CACNA2D2: variants seen among roughly 807,000 people sequenced by gnomAD.
CACNA2D2 encodes the protein calcium voltage-gated channel auxiliary subunit alpha2delta 2.
In CACNA2D2, 48 loss-of-function variants were observed where a neutral mutation model predicts 166.4. The ratio of observed to expected loss-of-function variants is 0.29; its 90% CI spans 0.23 to 0.37. The LOEUF is 0.37. CACNA2D2 is among the 10% of genes least tolerant of loss of function. CACNA2D2 has a pLI of 1.00. For missense variants in CACNA2D2, 1,122 were observed against 1,433.0 expected (o/e 0.78, Z 3.50); for synonymous variants, 561 against 573.7 (o/e 0.98, Z 0.32).
intron 2 of CACNA2D2, among the ~76,000 whole-genome samples, chr3:50,474,677 C>G (rs1283849261): frequency 1.3e-5 from 2 of 152,114 alleles, no homozygotes; most frequent in African/African-American, 4.8e-5. Flanking sequence ...GCTTATGTCC[C>G]GATATGAAAC....
At chr3:50,393,787 T>C (rs1706004371) in intron 4 of CACNA2D2, among the ~76,000 whole-genome samples, 1 of 152,162 alleles carries the variant, frequency 6.6e-6, no homozygotes. Context: ...AGTCCTGAAG[T>C]CCAAAGGCCT....
At chr3:50,497,017 C>T (rs1698752640) in intron 1 of CACNA2D2, among the ~76,000 whole-genome samples, 1 of 152,194 alleles carries the variant, frequency 6.6e-6, no homozygotes, top group African/African-American at 2.4e-5. Flanking sequence ...GCAGGAAAGG[C>T]TTCCCATGCC....
intron 3 of CACNA2D2, among the ~76,000 whole-genome samples, chr3:50,399,409 G>T (rs1296095456): frequency 6.6e-6 from 1 of 152,194 alleles, no homozygotes; most frequent in African/African-American, 2.4e-5. Context: ...GAACCCATGG[G>T]GTGCAGGATG....
At chr3:50,372,653 G>A (rs587638382) in intron 22 of CACNA2D2, among the ~76,000 whole-genome samples, 2 of 152,282 alleles carry the variant, frequency 1.3e-5, no homozygotes, top group South Asian at 4.1e-4. Context: ...CTTCACATGA[G>A]CCCCACTAGG....
rs80161213 is a variant in CACNA2D2 at position 50,429,981 on chromosome 3, G to T, written c.405+4332C>A. On this transcript the variant is annotated intron_variant, in intron 3 of 37. Transcript: ENST00000424201. ...TCAGAAATGCTGCACTAAGGCAAAG[G>T]TCTGACCCTTAGGACAATGGGAGGG... Among the ~76,000 whole-genome samples the T allele has an allele frequency of 1.3e-3, 200 of 152,274 alleles. 5 individuals carry two copies. The East Asian group carries it at 0.037, about 28-fold the overall frequency.
chr3:50,497,990 C>T (rs1560009602), intron 1 of CACNA2D2, among the ~76,000 whole-genome samples: 1 of 152,194 alleles, frequency 6.6e-6, no homozygotes, highest in African/African-American at 2.4e-5. Flanking sequence ...CTGTAGCCAG[C>T]AATGGGAAAG....
intron 2 of CACNA2D2, 138 bp from the exon 3 acceptor site, chr3:50,434,567 G>C (rs952953101): frequency 1.3e-5 from 9 of 681,510 alleles, no homozygotes; most frequent in Non-Finnish European, 2.1e-5. Flanking sequence ...CTCTGAGAGA[G>C]GGCATGGAAG....
intron 2 of CACNA2D2, among the ~76,000 whole-genome samples, chr3:50,452,538 G>A (rs1709150366): frequency 1.3e-5 from 2 of 152,342 alleles, no homozygotes; most frequent in South Asian, 2.1e-4. Context: ...GTGAATGGGT[G>A]CAACATCTCA....
At chr3:50,471,284 C>G (rs1710084995) in intron 2 of CACNA2D2, among the ~76,000 whole-genome samples, 1 of 152,034 alleles carries the variant, frequency 6.6e-6, no homozygotes, top group Non-Finnish European at 1.5e-5. Context: ...GTCAGTGCGA[C>G]AGCCTGTACC....
At chr3:50,381,231 G>T in intron 6 of CACNA2D2, 105 bp from the exon 7 acceptor site, 1 of 1,362,288 alleles carries the variant, frequency 7.3e-7, no homozygotes, top group Non-Finnish European at 1.0e-6. Flanking sequence ...TCCCCCAACT[G>T]TTCTCGGCCT....
In CACNA2D2 at chr3:50,380,148, C is replaced by T. The variant is rs372906348; in HGVS notation, c.843-130G>A. On this transcript the variant is annotated intron_variant, in intron 8 of 37. Transcript: ENST00000424201. This position sits in a 1 kb window ranked among gnomAD's most constrained non-coding sequence, Gnocchi z 4.9. ...TGTGTGGGCCAGGCAGGGTTCTATG[C>T]ACCGATGATACCACATTTAACGAAA... is the stretch of plus-strand genomic sequence containing the variant. The T allele has an allele frequency of 2.4e-6, 2 of 843,288 alleles. No individual in the cohort carries two copies. The highest frequency in any genetic ancestry group is 2.1e-5 in the Admixed American group (1 of 48,574). The allele number at this position is 843,288 out of a possible 1,614,324, so 52.2% of individuals were successfully genotyped here.
In CACNA2D2 at chr3:50,379,717, G is replaced by T. The variant is rs1478552235; in HGVS notation, c.993+8C>A. ...CCATTTCACCCCGTCTGCCACCTTG[G>T]CACTCACCGAGGCCACATTCACATA... On this transcript the variant is annotated splice_region_variant and intron_variant, in intron 10 of 37. Coordinates refer to ENST00000424201, the MANE Select transcript of CACNA2D2 (RefSeq NM_006030.4). This position sits in a 1 kb window ranked among gnomAD's most constrained non-coding sequence, Gnocchi z 6.5. The T allele has an allele frequency of 3.1e-6, 5 of 1,613,544 alleles. No individual in the cohort carries two copies. The African/African-American group carries it at 6.7e-5, about 22-fold the overall frequency.
rs12629853 is a variant in CACNA2D2 at position 50,372,201 on chromosome 3, C to A, written c.1985-1821G>T. 9.6e-4 allele frequency among the ~76,000 whole-genome samples: 146 copies of A among 152,324 alleles called. 1 individual carries two copies. In the East Asian group the frequency reaches 0.018, roughly 18 times the overall value. ...CTTCCAGAAGTCTCCTTGGCTTAGG[C>A]ACCCCAGTGTGCCAGAACCCTTCCT... On this transcript the variant is annotated intron_variant, in intron 22 of 37. Transcript: ENST00000424201.
At chr3:50,492,284 A>T (rs908406111) in intron 1 of CACNA2D2, among the ~76,000 whole-genome samples, 2 of 152,244 alleles carry the variant, frequency 1.3e-5, no homozygotes, top group Non-Finnish European at 2.9e-5. Context: ...CACTCATGCC[A>T]GCACTATCTT....
At chr3:50,411,359 T>G (rs1707007124) in intron 3 of CACNA2D2, among the ~76,000 whole-genome samples, 1 of 152,180 alleles carries the variant, frequency 6.6e-6, no homozygotes, top group Admixed American at 6.5e-5. Context: ...ATGTCCGTGG[T>G]CTGCACTTGG....
At position 50,493,955 on chromosome 3, in the gene CACNA2D2, T is replaced by C. The variant is rs146477906; in HGVS notation, c.206+9263A>G. On this transcript the variant is annotated intron_variant, in intron 1 of 37. Transcript: ENST00000424201. ...TCCCAGGACCTTCAAGTGTCCCAGA[T>C]AGTCCCAGGGCCGGAGGCTGGAGTC... is the stretch of plus-strand genomic sequence containing the variant. 7.4e-3 allele frequency among the ~76,000 whole-genome samples: 1,120 copies of C among 152,298 alleles called. 6 individuals carry two copies. Among genetic ancestry groups the C allele is most frequent in the African/African-American group, 0.01 (436 of 41,580 alleles).
intron 3 of CACNA2D2, among the ~76,000 whole-genome samples, chr3:50,413,620 G>A (rs994758158): frequency 3.7e-4 from 56 of 152,254 alleles, no homozygotes; most frequent in Non-Finnish European, 6.3e-4. Flanking sequence ...GCTGAGGTGG[G>A]TGGATCACTT....
chr3:50,366,445 TG>T lies in CACNA2D2; in HGVS notation c.2638-108del. 4 of 1,471,942 alleles carry T rather than the reference TG, an allele frequency of 2.7e-6. No homozygotes were observed. The highest frequency in any genetic ancestry group is 2.9e-6 in the Non-Finnish European group (3 of 1,051,684). 91.2% of individuals were successfully genotyped at this position (1,471,942 alleles called of 1,614,324 possible). A position where few individuals can be genotyped will look rare whatever the true frequency, so the allele number is the denominator to read the frequency against. On this transcript the variant is annotated intron_variant, in intron 30 of 37. Coordinates refer to ENST00000424201, the MANE Select transcript of CACNA2D2 (RefSeq NM_006030.4). The surrounding 1 kb of genome is among the most constrained non-coding windows in gnomAD (Gnocchi z 5.9). ...TTGGGGGGCATCACTCCCCCAGTCC[TG>T]GGAAGGCTGTGAAGTCAGGGTGGGG...
Position 50,366,967 on chromosome 3 carries a change from C to T in CACNA2D2, c.2500+44G>A, listed in dbSNP as rs1704337919. The T allele has an allele frequency of 1.2e-5, 19 of 1,611,532 alleles. No individual in the cohort carries two copies. Among genetic ancestry groups the T allele is most frequent in the Non-Finnish European group, 1.6e-5 (19 of 1,177,944 alleles). On this transcript the variant is annotated intron_variant, in intron 28 of 37. Transcript: ENST00000424201. This position sits in a 1 kb window ranked among gnomAD's most constrained non-coding sequence, Gnocchi z 5.9. ...ATCAGTGCTACCTGCCCAGGCAGTA[C>T]CCTGTCCATTGCCTGTTTCCCCACC...
Sources: gnomAD v4.1 joint callset for allele counts (sites outside exome capture counted in the v4.1 genomes callset) on GRCh38, gnomAD v4.1.1 for gene constraint, Gnocchi (gnomAD v3.1) non-coding constraint, MANE v1.5 for transcripts, NCBI Gene and HGNC (gene_info 2026-07-23, HGNC 2026-07-21) for gene names.